The following STK39 variants were observed in gnomAD, a reference collection of about 807,000 sequenced individuals.
STK39 encodes the protein STE20/SPS1-related proline-alanine-rich protein kinase.
Under a neutral mutation model 77.8 loss-of-function variants are expected in STK39, and 20 were observed. The observed-to-expected ratio is 0.26, with a 90% CI of 0.18 to 0.37. STK39 has a LOEUF of 0.37. Ranked by LOEUF, STK39 falls within the 10% of genes least tolerant of loss-of-function variation. STK39 has a pLI of 1.00. For synonymous variants in STK39, 246 were observed against 234.1 expected (o/e 1.05, Z -0.47); for missense variants, 479 against 656.5 (o/e 0.73, Z 2.95).
chr2:168,071,140 G>C (rs1272775801), intron 12 of STK39, among the ~76,000 whole-genome samples: 1 of 152,068 alleles, frequency 6.6e-6, no homozygotes, highest in Non-Finnish European at 1.5e-5. Context: ...ACCTTACTCT[G>C]TCTAAACATG....
intron 17 of STK39, among the ~76,000 whole-genome samples, chr2:167,961,379 T>A (rs1015323669): frequency 6.6e-6 from 1 of 152,236 alleles, no homozygotes; most frequent in African/African-American, 2.4e-5. Context: ...ACCAATTAGA[T>A]GTTAATTACA....
chr2:168,244,689 C>T (rs953892776), intron 1 of STK39, among the ~76,000 whole-genome samples: 1 of 152,196 alleles, frequency 6.6e-6, no homozygotes, highest in Non-Finnish European at 1.5e-5. Context: ...TAAGCCCTTG[C>T]GAAAAACCTA....
intron 5 of STK39, among the ~76,000 whole-genome samples, chr2:168,153,008 C>G (rs983797152): frequency 6.6e-6 from 1 of 152,138 alleles, no homozygotes; most frequent in Non-Finnish European, 1.5e-5. Context: ...TAACACAACT[C>G]CAGTTGCTAC....
At chr2:168,117,128 G>T (rs900904201) in intron 10 of STK39, among the ~76,000 whole-genome samples, 9 of 152,148 alleles carry the variant, frequency 5.9e-5, no homozygotes, top group African/African-American at 1.4e-4. Context: ...ATGATCATGT[G>T]GCAAAGGTGA....
intron 12 of STK39, among the ~76,000 whole-genome samples, chr2:168,073,241 G>GCACA (rs947221639): frequency 6.6e-6 from 1 of 152,098 alleles, no homozygotes; most frequent in Non-Finnish European, 1.5e-5. Context: ...ATTTCAACAA[G>GCACA]CACACAGTAA....
At chr2:168,010,740 T>C (rs577965202) in intron 16 of STK39, among the ~76,000 whole-genome samples, 1 of 152,380 alleles carries the variant, frequency 6.6e-6, no homozygotes, top group African/African-American at 2.4e-5. Context: ...GGTATCTTTG[T>C]ATCTGCATTT....
chr2:167,988,281 A>G (rs1683609771), intron 16 of STK39, among the ~76,000 whole-genome samples: 1 of 152,134 alleles, frequency 6.6e-6, no homozygotes, highest in African/African-American at 2.4e-5. Context: ...TCTCATGTAA[A>G]AGCTGATTTT....
intron 1 of STK39, among the ~76,000 whole-genome samples, chr2:168,246,642 G>T: frequency 6.6e-6 from 1 of 152,212 alleles, no homozygotes; most frequent in Non-Finnish European, 1.5e-5. Flanking sequence ...GCGTGGAGTG[G>T]CGGCTGTCAG....
intron 16 of STK39, among the ~76,000 whole-genome samples, chr2:167,995,420 A>G (rs1380356132): frequency 6.6e-6 from 1 of 152,186 alleles, no homozygotes; most frequent in East Asian, 1.9e-4. Context: ...AACATTTAAA[A>G]TATTTTAAAC....
intron 1 of STK39, among the ~76,000 whole-genome samples, chr2:168,183,116 T>G (rs1689125438): frequency 6.6e-6 from 1 of 152,178 alleles, no homozygotes; most frequent in Non-Finnish European, 1.5e-5. Context: ...ACATTTCTAG[T>G]GCGAATCAGG....
intron 10 of STK39, among the ~76,000 whole-genome samples, chr2:168,110,076 T>C (rs910156585): frequency 6.6e-6 from 1 of 152,222 alleles, no homozygotes; most frequent in African/African-American, 2.4e-5. Flanking sequence ...CTTTTATAGA[T>C]AGACCCTTTG....
intron 1 of STK39, among the ~76,000 whole-genome samples, chr2:168,193,747 G>C (rs1351321121): frequency 6.6e-6 from 1 of 152,220 alleles, no homozygotes; most frequent in African/African-American, 2.4e-5. Context: ...GGTCACCTGG[G>C]TGTGCTGTGA....
chr2:168,189,736 T>C (rs1689293691), intron 1 of STK39, among the ~76,000 whole-genome samples: 1 of 152,196 alleles, frequency 6.6e-6, no homozygotes, highest in Non-Finnish European at 1.5e-5. Flanking sequence ...GGGAATATGA[T>C]TGCTTGCCGG....
intron 10 of STK39, among the ~76,000 whole-genome samples, chr2:168,094,874 A>G (rs981617155): frequency 2.0e-5 from 3 of 152,144 alleles, no homozygotes; most frequent in African/African-American, 4.8e-5. Flanking sequence ...CCTGCAAACC[A>G]GGCCCCCTCC....
At chr2:168,180,260 T>G (rs1352349715) in intron 2 of STK39, among the ~76,000 whole-genome samples, 1 of 151,944 alleles carries the variant, frequency 6.6e-6, no homozygotes, top group Admixed American at 6.6e-5. Flanking sequence ...AGCAGGAGAA[T>G]CGCTTGAACC....
At chr2:168,194,584 C>A (rs1223941830) in intron 1 of STK39, among the ~76,000 whole-genome samples, 2 of 152,036 alleles carry the variant, frequency 1.3e-5, no homozygotes, top group Non-Finnish European at 2.9e-5. Flanking sequence ...GAAATTAGTA[C>A]AAAAGGCATA....
chr2:168,191,427 TACA>T (rs1191590474), intron 1 of STK39, among the ~76,000 whole-genome samples: 2 of 152,004 alleles, frequency 1.3e-5, no homozygotes, highest in Admixed American at 1.3e-4. Context: ...TAAGCCCCAG[TACA>T]ACAACTCCAG....
At chr2:168,112,124 A>G (rs943171062) in intron 10 of STK39, among the ~76,000 whole-genome samples, 1 of 152,014 alleles carries the variant, frequency 6.6e-6, no homozygotes, top group Admixed American at 6.6e-5. Flanking sequence ...TAAAGAAAAA[A>G]AAAAAAACAC....
chr2:168,026,735 C>T (rs4667547), intron 14 of STK39, among the ~76,000 whole-genome samples: 151,770 of 152,360 alleles, frequency 1, 75,596 homozygotes, highest in Middle Eastern at 1. Context: ...GCACTATAGA[C>T]GGGAAAGTGT....
Sources: allele counts gnomAD v4.1 joint callset (sites outside exome capture counted in the v4.1 genomes callset), GRCh38; gene constraint gnomAD v4.1.1; transcripts MANE v1.5; gene names NCBI Gene and HGNC (gene_info 2026-07-23, HGNC 2026-07-21).